The following RASAL2 variants were observed in gnomAD, a reference collection of about 807,000 sequenced individuals.
The protein encoded by RASAL2 is RAS protein activator like 2, also known as ras GTPase-activating protein nGAP.
A neutral mutation model predicts 128.9 loss-of-function variants in RASAL2; 58 were observed. The observed-to-expected ratio is 0.45, with a 90% confidence interval of 0.36 to 0.56. RASAL2 has a LOEUF of 0.56. Ranked by LOEUF, RASAL2 falls within the 20% of genes least tolerant of loss-of-function variation. The pLI is 0.00. For missense variants in RASAL2, 1,360 were observed against 1,601.6 expected (o/e 0.85, Z 2.57); for synonymous variants, 561 against 580.8 (o/e 0.97, Z 0.49).
At chr1:178,280,305 C>A (rs1232570299) in intron 1 of RASAL2, among the ~76,000 whole-genome samples, 1 of 152,052 alleles carries the variant, frequency 6.6e-6, no homozygotes, top group East Asian at 1.9e-4. Flanking sequence ...GTCTTCTATT[C>A]AGCCAGACTT....
intron 1 of RASAL2, among the ~76,000 whole-genome samples, chr1:178,199,456 C>A (rs1400636255): frequency 6.6e-6 from 1 of 152,158 alleles, no homozygotes; most frequent in Non-Finnish European, 1.5e-5. Flanking sequence ...CCGAGGAATT[C>A]TTAAATATGT....
intron 1 of RASAL2, among the ~76,000 whole-genome samples, chr1:178,189,397 AG>A (rs1413789373): frequency 6.6e-6 from 1 of 152,196 alleles, no homozygotes; most frequent in Non-Finnish European, 1.5e-5. Flanking sequence ...TACAGGAGAA[AG>A]AAAGACCAAA....
Position 178,191,258 on chromosome 1 carries a change from T to C in RASAL2, c.203-92306T>C, listed in dbSNP as rs551967213. Reference sequence around the variant, plus strand: ...AGGCAGAATTAGACGCAGTTAATAATAGCACTTCTCAAACTGTATGTGCTT... The same window carrying C: ...AGGCAGAATTAGACGCAGTTAATAACAGCACTTCTCAAACTGTATGTGCTT... On this transcript the variant is annotated intron_variant, in intron 1 of 17. Transcript: ENST00000367649. Among the ~76,000 whole-genome samples, 36 of 152,238 alleles carry C rather than the reference T, an allele frequency of 2.4e-4. 1 individual carries two copies. In the South Asian group the frequency reaches 7.5e-3, roughly 32 times the overall value.
intron 3 of RASAL2, among the ~76,000 whole-genome samples, chr1:178,327,944 G>T (rs1160001142): frequency 1.3e-5 from 2 of 152,096 alleles, no homozygotes. Flanking sequence ...CACAAGCCAG[G>T]GAATGCCAGG....
At chr1:178,394,903 C>G (rs1673122444) in intron 4 of RASAL2, among the ~76,000 whole-genome samples, 1 of 152,032 alleles carries the variant, frequency 6.6e-6, no homozygotes, top group Non-Finnish European at 1.5e-5. Flanking sequence ...GAATCTAAAG[C>G]CCTGGGAAAT....
chr1:178,251,144 G>A (rs1026480783), intron 1 of RASAL2, among the ~76,000 whole-genome samples: 2 of 152,146 alleles, frequency 1.3e-5, no homozygotes, highest in African/African-American at 4.8e-5. Context: ...TGGGAAACTG[G>A]TTAACCTTTT....
At chr1:178,366,298 G>C (rs1449529511) in intron 3 of RASAL2, among the ~76,000 whole-genome samples, 1 of 152,064 alleles carries the variant, frequency 6.6e-6, no homozygotes, top group Admixed American at 6.5e-5. Flanking sequence ...TTCAGGAGTT[G>C]CTTATACTAT....
At chr1:178,395,237 T>C (rs1004274629) in intron 4 of RASAL2, among the ~76,000 whole-genome samples, 7 of 152,190 alleles carry the variant, frequency 4.6e-5, no homozygotes, top group Non-Finnish European at 8.8e-5. Context: ...TCTTCTGTAT[T>C]TTTTTAAAGG....
intron 3 of RASAL2, among the ~76,000 whole-genome samples, chr1:178,380,922 T>C (rs940534593): frequency 6.6e-6 from 1 of 152,196 alleles, no homozygotes; most frequent in Admixed American, 6.5e-5. Context: ...TATGAACTTA[T>C]ATAAATGTAT....
chr1:178,254,071 C>T (rs897401896), intron 1 of RASAL2, among the ~76,000 whole-genome samples: 3 of 152,194 alleles, frequency 2.0e-5, no homozygotes, highest in Admixed American at 6.5e-5. Context: ...TGGAGCCATT[C>T]GTCTCCATCA....
At chr1:178,278,477 T>G (rs1666629305) in intron 1 of RASAL2, among the ~76,000 whole-genome samples, 1 of 152,254 alleles carries the variant, frequency 6.6e-6, no homozygotes, top group Non-Finnish European at 1.5e-5. Context: ...CAGTTTCTTC[T>G]TTCTCCTCTC....
At position 178,312,518 on chromosome 1, in the gene RASAL2, C is replaced by T. The variant is rs554474727; in HGVS notation, c.457+12400C>T. ...GACTCAAAAAAGATTACCTCCTACA[C>T]ATCATTTTTCCTGAAGCTAATGAAA... On this transcript the variant is annotated intron_variant, in intron 3 of 17. Transcript: ENST00000367649. Among the ~76,000 whole-genome samples, 7 of 152,290 alleles carry T rather than the reference C, an allele frequency of 4.6e-5. No homozygotes were observed. The East Asian group carries it at 1.3e-3, about 29-fold the overall frequency.
At chr1:178,317,546 T>C (rs1668546934) in intron 3 of RASAL2, among the ~76,000 whole-genome samples, 1 of 150,636 alleles carries the variant, frequency 6.6e-6, no homozygotes, top group East Asian at 1.9e-4. Flanking sequence ...GAGGAATTTA[T>C]CCATTTCTTC....
intron 5 of RASAL2, among the ~76,000 whole-genome samples, chr1:178,427,274 T>C (rs1214580175): frequency 6.6e-6 from 1 of 152,170 alleles, no homozygotes; most frequent in African/African-American, 2.4e-5. Flanking sequence ...GGTACTGTAT[T>C]GTCAGGCATT....
At chr1:178,310,920 T>G (rs768022473) in intron 3 of RASAL2, among the ~76,000 whole-genome samples, 41 of 152,292 alleles carry the variant, frequency 2.7e-4, no homozygotes, top group Non-Finnish European at 5.6e-4. Context: ...GTTCCCAGTT[T>G]GTACAGTCAA....
At chr1:178,246,309 AT>A (rs1164138325) in intron 1 of RASAL2, among the ~76,000 whole-genome samples, 2 of 151,804 alleles carry the variant, frequency 1.3e-5, no homozygotes, top group Non-Finnish European at 2.9e-5. Flanking sequence ...ATTCCTAGGT[AT>A]TTTACTTTCT....
At chr1:178,260,962 A>G (rs1371017006) in intron 1 of RASAL2, among the ~76,000 whole-genome samples, 1 of 152,212 alleles carries the variant, frequency 6.6e-6, no homozygotes, top group Non-Finnish European at 1.5e-5. Flanking sequence ...TGCTAAATAG[A>G]AATTGTTGTT....
chr1:178,125,208 C>T (rs184604904), intron 1 of RASAL2: 77 of 152,276 alleles, frequency 5.1e-4, no homozygotes, highest in African/African-American at 1.7e-3. Context: ...AAATGTTTTA[C>T]ATTTCAGATC....
intron 3 of RASAL2, among the ~76,000 whole-genome samples, chr1:178,367,277 T>C (rs1671453450): frequency 6.6e-6 from 1 of 152,138 alleles, no homozygotes; most frequent in South Asian, 2.1e-4. Flanking sequence ...CTAGTCTTTT[T>C]ATTGGTAGTT....
Sources: allele counts gnomAD v4.1 joint callset (sites outside exome capture counted in the v4.1 genomes callset), GRCh38; gene constraint gnomAD v4.1.1; transcripts MANE v1.5; gene names NCBI Gene and HGNC (gene_info 2026-07-23, HGNC 2026-07-21).